TCF20: variants seen among roughly 807,000 people sequenced by gnomAD.
The protein encoded by TCF20 is SPRE-binding protein.
Under a neutral mutation model 148.6 loss-of-function variants are expected in TCF20, and 3 were observed. The observed-to-expected ratio is 0.02, with a 90% CI of 0.01 to 0.05. The LOEUF (loss-of-function observed/expected upper bound fraction) is 0.05, where lower values mean the gene tolerates loss of function less well. Ranked by LOEUF, TCF20 falls within the 10% of genes least tolerant of loss-of-function variation. The pLI is 1.00. For synonymous variants in TCF20, 1,049 were observed against 909.5 expected (o/e 1.15, Z -2.76); for missense variants, 2,350 against 2,429.3 (o/e 0.97, Z 0.69).
chr22:42,256,932 G>A (rs1210011117), intron 1 of TCF20, among the ~76,000 whole-genome samples: 1 of 152,200 alleles, frequency 6.6e-6, no homozygotes, highest in Non-Finnish European at 1.5e-5. Context: ...GCCTAGGCAA[G>A]AAGATTGCTT....
chr22:42,299,258 C>A lies in TCF20; in HGVS notation c.-37+44221G>T, dbSNP rs780182296. ...CAGAGGACAATCACAGGGAGGACGG[C>A]GGCAAGGAGGTGAGGCCATGTCTGG... On this transcript the variant is annotated intron_variant, in intron 1 of 1. Coordinates refer to the TCF20 transcript ENST00000515426. The surrounding 1 kb of genome is among the most constrained non-coding windows in gnomAD (Gnocchi z 4.1). Among the ~76,000 whole-genome samples the A allele has an allele frequency of 1.3e-5, 2 of 152,152 alleles. No individual in the cohort carries two copies. Among genetic ancestry groups the A allele is most frequent in the Non-Finnish European group, 2.9e-5 (2 of 68,016 alleles).
At chr22:42,219,115 G>C (rs1397655052) in intron 1 of TCF20, among the ~76,000 whole-genome samples, 2 of 151,788 alleles carry the variant, frequency 1.3e-5, no homozygotes, top group South Asian at 4.2e-4. Flanking sequence ...TGGGTGTGGT[G>C]GCTCACACCT....
intron 2 of TCF20, among the ~76,000 whole-genome samples, chr22:42,188,085 C>T (rs568142621): frequency 4.6e-5 from 7 of 151,682 alleles, no homozygotes; most frequent in South Asian, 2.1e-4. Context: ...CCTGAGGTCA[C>T]GAGTTTGAGA....
chr22:42,247,661 C>A (rs532519671), intron 1 of TCF20, among the ~76,000 whole-genome samples: 2 of 152,212 alleles, frequency 1.3e-5, no homozygotes, highest in East Asian at 3.9e-4. Flanking sequence ...AAGGATACGA[C>A]AAGAGCTACC....
chr22:42,272,975 A>G (rs1453589126), upstream of TCF20, among the ~76,000 whole-genome samples: 2 of 152,172 alleles, frequency 1.3e-5, no homozygotes, highest in African/African-American at 4.8e-5. Flanking sequence ...CAACCTGCGC[A>G]ACACAGTGAG....
chr22:42,260,400 G>C (rs1212350331), intron 1 of TCF20, among the ~76,000 whole-genome samples: 1 of 152,174 alleles, frequency 6.6e-6, no homozygotes, highest in Non-Finnish European at 1.5e-5. Context: ...ATTTTTAAGA[G>C]ATCACTTTAG....
At chr22:42,177,421 G>A (rs1383455491) in intron 3 of TCF20, among the ~76,000 whole-genome samples, 2 of 152,074 alleles carry the variant, frequency 1.3e-5, no homozygotes, top group Non-Finnish European at 2.9e-5. Context: ...GTCTCAAAAA[G>A]AAAAGTAAAA....
chr22:42,283,019 G>C (rs953282729), intron 1 of TCF20, among the ~76,000 whole-genome samples: 1 of 152,208 alleles, frequency 6.6e-6, no homozygotes, highest in Non-Finnish European at 1.5e-5. Flanking sequence ...ACCACAAACA[G>C]AGACAACACA....
intron 1 of TCF20, among the ~76,000 whole-genome samples, chr22:42,248,630 T>C (rs145002510): frequency 1.1e-3 from 169 of 152,270 alleles, no homozygotes; most frequent in African/African-American, 4.0e-3. Flanking sequence ...AATGCCATAA[T>C]CCTGAATGTT....
In TCF20 at chr22:42,168,712, G is replaced by T. The variant is rs115095004; in HGVS notation, c.5824C>A (p.Pro1942Thr). Residue 1942 changes from proline to threonine, a missense_variant, in exon 5 of 6, where the codon CCC becomes ACC. Pro to Thr is a conservative substitution (Grantham distance 38). Transcript: ENST00000677622. The part of the protein sequence containing the change: ...HKPPLPCPLP[P>T]LQNKTAKGSL... ...CCTTTCGCGGTCTTGTTCTGCAAGGGGGGGAGAGGGCACGGAAGGGGAGGC... is the reference window on the plus strand; with the variant it reads ...CCTTTCGCGGTCTTGTTCTGCAAGGTGGGGAGAGGGCACGGAAGGGGAGGC... 179 of 1,611,380 alleles carry T rather than the reference G, an allele frequency of 1.1e-4. 1 individual carries two copies. The highest frequency in any genetic ancestry group is 8.8e-4 in the South Asian group (80 of 90,732).
intron 1 of TCF20, among the ~76,000 whole-genome samples, chr22:42,307,038 T>TAA (rs5845532): frequency 4.7e-4 from 44 of 92,758 alleles, no homozygotes; most frequent in African/African-American, 1.4e-3. Context: ...GACTCTGTCT[T>TAA]AAAAAAAAAA....
chr22:42,273,059 A>AG (rs2147007826), upstream of TCF20, among the ~76,000 whole-genome samples: 1 of 152,000 alleles, frequency 6.6e-6, no homozygotes, highest in East Asian at 1.9e-4. Context: ...GTGTTGTGGG[A>AG]CTCTCAAGAG....
Position 42,212,671 on chromosome 22 carries a change from C to T in TCF20, c.2635G>A (p.Asp879Asn). The T allele has an allele frequency of 6.2e-7, 1 of 1,614,170 alleles. No homozygotes were observed. The highest frequency in any genetic ancestry group is 8.5e-7 in the Non-Finnish European group (1 of 1,180,026). Reference sequence around the variant, plus strand: ...TGTCCCAGTGAGTGAGCCCCTGGGTCCCTGACAATCTGTCTTAGTGGAGAA... The same window carrying T: ...TGTCCCAGTGAGTGAGCCCCTGGGTTCCTGACAATCTGTCTTAGTGGAGAA... ...DISPLRQIVR[D>N]PGAHSLGHMS... Residue 879 changes from aspartate (D) to asparagine (N), a missense_variant, in exon 2 of 6, where the codon GAC (aspartate) becomes AAC (asparagine). By Grantham distance (23) the Asp-to-Asn change is conservative. Around this residue, in one of 7 missense-constraint regions of TCF20, gnomAD observed 1,641 missense variants for 1,662.6 expected, o/e 0.99. Transcript: ENST00000677622.
Position 42,212,908 on chromosome 22 carries a change from T to C in TCF20, c.2398A>G (p.Ser800Gly), listed in dbSNP as rs767768092. ...ATGCTTTTGTTCAGAAGGCCCCTGC[T>C]AGCTAATTCATTGGTTTGACTAACC... ...VLVSQTNELA[S>G]RGLLNKSIGS... Residue 800 changes from serine (S) to glycine (G), a missense_variant, in exon 2 of 6, where the codon AGC becomes GGC. By Grantham distance (56) the Ser-to-Gly change is moderately conservative (BLOSUM62 0). Coordinates refer to ENST00000677622, the MANE Select transcript of TCF20 (RefSeq NM_001378418.1). 3 of 1,614,192 alleles carry C rather than the reference T, an allele frequency of 1.9e-6. No homozygotes were observed. The highest frequency in any genetic ancestry group is 2.5e-6 in the Non-Finnish European group (3 of 1,180,036).
At position 42,168,746 on chromosome 22, in the gene TCF20, G is replaced by A. The variant is rs1258928164; in HGVS notation, c.5800-10C>T. On this transcript the variant is annotated splice_polypyrimidine_tract_variant and intron_variant, in intron 4 of 5. Coordinates refer to ENST00000677622, the MANE Select transcript of TCF20 (RefSeq NM_001378418.1). Reference sequence around the variant, plus strand: ...GGCACGGAAGGGGAGGCTGACACGGGCAAAACCAAGAGGAGACAGACAGGT... The same window carrying A: ...GGCACGGAAGGGGAGGCTGACACGGACAAAACCAAGAGGAGACAGACAGGT... 6.2e-7 allele frequency: 1 copy of A among 1,604,068 alleles called. No individual in the cohort carries two copies. The highest frequency in any genetic ancestry group is 1.1e-5 in the South Asian group (1 of 89,906).
At chr22:42,328,725 A>G (rs1424701315) in intron 1 of TCF20, among the ~76,000 whole-genome samples, 1 of 152,234 alleles carries the variant, frequency 6.6e-6, no homozygotes, top group Admixed American at 6.5e-5. Context: ...AGGTGCTGGC[A>G]CACGGTCAGG....
At chr22:42,226,727 AAAAC>A (rs556784100) in intron 1 of TCF20, among the ~76,000 whole-genome samples, 37 of 152,310 alleles carry the variant, frequency 2.4e-4, no homozygotes, top group African/African-American at 8.7e-4. Context: ...AAATAATAAT[AAAAC>A]AAACAAATAC....
chr22:42,207,777 T>C (rs1938488246), intron 2 of TCF20, among the ~76,000 whole-genome samples: 1 of 152,108 alleles, frequency 6.6e-6, no homozygotes, highest in African/African-American at 2.4e-5. Flanking sequence ...ATTGCGCCAT[T>C]GCACTCCAGC....
At chr22:42,219,370 A>AG (rs1462136670) in intron 1 of TCF20, among the ~76,000 whole-genome samples, 1 of 147,712 alleles carries the variant, frequency 6.8e-6, no homozygotes, top group East Asian at 1.9e-4. Context: ...AAAAAAAAAA[A>AG]AAAAAAAAAA....
Sources: gnomAD v4.1 joint callset for allele counts (sites outside exome capture counted in the v4.1 genomes callset) on GRCh38, gnomAD v4.1.1 for gene constraint, gnomAD v4.1.1 regional missense constraint, Gnocchi (gnomAD v3.1) non-coding constraint, MANE v1.5 for transcripts, NCBI Gene and HGNC (gene_info 2026-07-23, HGNC 2026-07-21) for gene names.